The following AKAP13 variants were observed in gnomAD, a reference collection of about 807,000 sequenced individuals.
AKAP13 encodes A-kinase anchoring protein 13.
In AKAP13, 80 loss-of-function variants were observed where a neutral mutation model predicts 264.5. The ratio of observed to expected loss-of-function variants is 0.30; its 90% CI spans 0.25 to 0.36. The LOEUF is 0.36. Among genes scored for constraint, AKAP13 ranks in the 10% least tolerant of loss-of-function variants. AKAP13 has a pLI of 1.00. For synonymous variants in AKAP13, 1,380 were observed against 1,250.2 expected (o/e 1.10, Z -2.19); for missense variants, 3,712 against 3,435.2 (o/e 1.08, Z -2.01).
intron 12 of AKAP13, among the ~76,000 whole-genome samples, chr15:85,661,302 C>T (rs554876627): frequency 6.6e-6 from 1 of 152,278 alleles, no homozygotes; most frequent in South Asian, 2.1e-4. Context: ...GACACCGCTA[C>T]TGGGATATTC....
chr15:85,594,614 C>G (rs187114459), intron 8 of AKAP13, among the ~76,000 whole-genome samples: 4 of 152,206 alleles, frequency 2.6e-5, no homozygotes, highest in Admixed American at 2.0e-4. Context: ...CTATGTATTG[C>G]TTGTAGTTCT....
rs2614666 is a variant in AKAP13 at position 85,748,791 on chromosome 15, C to T, written c.*4114C>T. 0.12 allele frequency: 18,144 copies of T among 152,350 alleles called. 1,489 individuals are homozygous for T. The highest frequency in any genetic ancestry group is 0.33 in the East Asian group (1,708 of 5,176). 9.4% of individuals were successfully genotyped at this position (152,350 alleles called of 1,614,324 possible). On this transcript the variant is annotated 3_prime_UTR_variant, in exon 37 of 37. Transcript: ENST00000394518. Reference sequence around the variant, plus strand: ...AACCCCCCACTGGCTGTGTCCCCTGCCACCGAAGTGAGTGACCTGCCCTAC... The same window carrying T: ...AACCCCCCACTGGCTGTGTCCCCTGTCACCGAAGTGAGTGACCTGCCCTAC...
At chr15:85,582,142 G>C in intron 7 of AKAP13, 35 bp downstream of exon 7, 2 of 1,538,184 alleles carry the variant, frequency 1.3e-6, no homozygotes, top group Non-Finnish European at 8.7e-7. Context: ...AACAGTCTGA[G>C]AAGCAGATTC....
intron 2 of AKAP13, among the ~76,000 whole-genome samples, chr15:85,505,034 G>GA (rs2076173555): frequency 6.6e-6 from 1 of 152,044 alleles, no homozygotes; most frequent in Non-Finnish European, 1.5e-5. Flanking sequence ...AGCTTTGCTG[G>GA]ACAAAAATAG....
chr15:85,510,100 C>T (rs565568709), intron 2 of AKAP13, among the ~76,000 whole-genome samples: 3 of 152,338 alleles, frequency 2.0e-5, no homozygotes, highest in African/African-American at 7.2e-5. Flanking sequence ...GCTTCTCTTA[C>T]TATGCTTTTG....
Position 85,664,661 on chromosome 15 carries a change from C to A in AKAP13, c.4898C>A (p.Pro1633Gln). The A allele has an allele frequency of 6.2e-7, 1 of 1,614,134 alleles. No individual in the cohort carries two copies. Among genetic ancestry groups the A allele is most frequent in the East Asian group, 2.2e-5 (1 of 44,882 alleles). ...GCAAATGCCGAAGAGCTCAGACACCCATTCAGTGGTGAGGAACGGGTTGAC... is the reference window on the plus strand; with the variant it reads ...GCAAATGCCGAAGAGCTCAGACACCAATTCAGTGGTGAGGAACGGGTTGAC... ...SSANAEELRHPFSGEERVDSL... is the reference protein window; with the variant it reads ...SSANAEELRHQFSGEERVDSL... The change falls in exon 13 of 37, where the codon CCA becomes CAA. Residue 1633 changes from proline (P) to glutamine (Q), a missense_variant. By Grantham distance (76) the Pro-to-Gln change is moderately conservative. Transcript: ENST00000394518.
chr15:85,508,396 G>A (rs2344433), intron 2 of AKAP13, among the ~76,000 whole-genome samples: 35,896 of 151,774 alleles, frequency 0.24, 4,495 homozygotes, highest in African/African-American at 0.33. Flanking sequence ...ACCTGCCTCG[G>A]CCTCCCAAAG....
intron 8 of AKAP13, among the ~76,000 whole-genome samples, chr15:85,617,819 A>G (rs1317523066): frequency 6.6e-6 from 1 of 152,266 alleles, no homozygotes; most frequent in Non-Finnish European, 1.5e-5. Flanking sequence ...TCTGTGCCCT[A>G]GACCACATAG....
intron 1 of AKAP13, among the ~76,000 whole-genome samples, chr15:85,439,973 A>G (rs1596180488): frequency 7.6e-6 from 1 of 132,024 alleles, no homozygotes; most frequent in Non-Finnish European, 1.8e-5. Flanking sequence ...AGTATAATAA[A>G]AAATAATAAT....
rs754226104 is a variant in AKAP13, at chr15:85,521,428, G to A, written c.34G>A (p.Gly12Ser). 1.2e-6 allele frequency: 2 copies of A among 1,613,904 alleles called. No homozygotes were observed. The highest frequency in any genetic ancestry group is 1.1e-5 in the South Asian group (1 of 91,032). Reference protein sequence around the residue: ...KLNPQQAPLYGDCVVTVLLAE... With the variant: ...KLNPQQAPLYSDCVVTVLLAE... Reference sequence around the variant, plus strand: ...CTTGCTATATTGTTTCCTTTCCTAGGGTGATTGTGTTGTTACAGTGCTGCT... The same window carrying A: ...CTTGCTATATTGTTTCCTTTCCTAGAGTGATTGTGTTGTTACAGTGCTGCT... The change falls in exon 3 of 37, where the codon GGT (glycine) becomes AGT (serine). Residue 12 changes from glycine (G) to serine (S), a missense_variant and splice_region_variant. Physicochemically the swap from Gly to Ser is moderately conservative, Grantham distance 56 (BLOSUM62 0). Around this residue, in one of 3 missense-constraint regions of AKAP13, gnomAD observed 2,759 missense variants for 2,411.7 expected, o/e 1.14. Coordinates refer to ENST00000394518, the MANE Select transcript of AKAP13 (RefSeq NM_007200.5).
chr15:85,647,943 A>C (rs567417507), intron 10 of AKAP13, among the ~76,000 whole-genome samples: 1 of 152,330 alleles, frequency 6.6e-6, no homozygotes, highest in African/African-American at 2.4e-5. Context: ...AACAAAAAAC[A>C]AAACAAAAAA....
At chr15:85,475,600 T>C (rs757720853) in intron 1 of AKAP13, among the ~76,000 whole-genome samples, 3 of 152,356 alleles carry the variant, frequency 2.0e-5, no homozygotes, top group East Asian at 1.9e-4. Context: ...TGTCTAGTTA[T>C]ATGATGTTGA....
intron 1 of AKAP13, among the ~76,000 whole-genome samples, chr15:85,472,953 A>G (rs2075012798): frequency 6.6e-6 from 1 of 152,252 alleles, no homozygotes; most frequent in African/African-American, 2.4e-5. Flanking sequence ...ACACAAGAAT[A>G]TAGCTAGAGA....
chr15:85,729,637 G>C (rs1203586545), intron 29 of AKAP13, among the ~76,000 whole-genome samples: 1 of 152,002 alleles, frequency 6.6e-6, no homozygotes, highest in Non-Finnish European at 1.5e-5. Flanking sequence ...AAGTGGGTAA[G>C]GTAAAGAAGA....
chr15:85,512,067 C>G (rs1045868251), intron 2 of AKAP13, among the ~76,000 whole-genome samples: 1 of 151,710 alleles, frequency 6.6e-6, no homozygotes, highest in Non-Finnish European at 1.5e-5. Context: ...TCTTCGTCGC[C>G]TACACAGGTT....
At chr15:85,438,997 A>G (rs1468084838) in intron 1 of AKAP13, among the ~76,000 whole-genome samples, 1 of 146,674 alleles carries the variant, frequency 6.8e-6, no homozygotes, top group African/African-American at 2.5e-5. Flanking sequence ...GAGCTTCTGC[A>G]CAGCAAAAGA....
chr15:85,541,525 G>T (rs140491934), intron 4 of AKAP13, among the ~76,000 whole-genome samples: 94 of 152,308 alleles, frequency 6.2e-4, no homozygotes, highest in African/African-American at 2.1e-3. Context: ...ATGATTGCTT[G>T]TTTTTGTATT....
chr15:85,691,971 A>G lies in AKAP13; in HGVS notation c.5290-1306A>G, dbSNP rs769751910. ...CTCAGGGTAGAGGAGTGAGCTACTA[A>G]GCCTTGGGACTTCCTTTCCCTGGAA... On this transcript the variant is annotated intron_variant, in intron 16 of 36. Coordinates refer to ENST00000394518, the MANE Select transcript of AKAP13 (RefSeq NM_007200.5). 8.3e-4 allele frequency: 369 copies of G among 445,858 alleles called. 2 individuals are homozygous for G. Among genetic ancestry groups the G allele is most frequent in the Middle Eastern group, 6.6e-4 (2 of 3,010 alleles). The allele number at this position is 445,858 out of a possible 1,614,324, so 27.6% of individuals were successfully genotyped here. A position where few individuals can be genotyped will look rare whatever the true frequency, so the allele number is the denominator to read the frequency against.
At chr15:85,397,923 A>G (rs1349296983) in intron 1 of AKAP13, among the ~76,000 whole-genome samples, 1 of 152,148 alleles carries the variant, frequency 6.6e-6, no homozygotes, top group Non-Finnish European at 1.5e-5. Context: ...AGTAGTAAGT[A>G]CTCTACAAAC....
Sources: allele counts gnomAD v4.1 joint callset (sites outside exome capture counted in the v4.1 genomes callset), GRCh38; gene constraint gnomAD v4.1.1; regional missense constraint gnomAD v4.1.1; transcripts MANE v1.5; gene names NCBI Gene and HGNC (gene_info 2026-07-23, HGNC 2026-07-21).